UBE2E2: variants seen among roughly 807,000 people sequenced by gnomAD.
UBE2E2 encodes ubiquitin-conjugating enzyme E2 E2.
In UBE2E2, 6 loss-of-function variants were observed where a neutral mutation model predicts 24.7. The ratio of observed to expected loss-of-function variants is 0.24; its 90% CI spans 0.13 to 0.48. UBE2E2 has a LOEUF of 0.48. UBE2E2 is among the 20% of genes least tolerant of loss of function. The probability of loss-of-function intolerance (pLI) is 0.99; values close to 1 mark genes in which losing one functional copy is unlikely to be tolerated. For synonymous variants in UBE2E2, 104 were observed against 83.6 expected (o/e 1.24, Z -1.33); for missense variants, 169 against 245.0 (o/e 0.69, Z 2.07).
intron 5 of UBE2E2, among the ~76,000 whole-genome samples, chr3:23,578,217 T>TA (rs1559427971): frequency 6.6e-6 from 1 of 151,938 alleles, no homozygotes; most frequent in African/African-American, 2.4e-5. Context: ...AAATGCAAAT[T>TA]AAACCACAAT....
intron 3 of UBE2E2, among the ~76,000 whole-genome samples, chr3:23,421,832 C>G (rs757277106): frequency 7.9e-5 from 12 of 152,374 alleles, no homozygotes; most frequent in Non-Finnish European, 1.6e-4. Context: ...TCATTAGAGA[C>G]TCAGGTGCGA....
At chr3:23,521,258 G>T (rs1167399039) in intron 4 of UBE2E2, among the ~76,000 whole-genome samples, 1 of 152,166 alleles carries the variant, frequency 6.6e-6, no homozygotes, top group East Asian at 1.9e-4. Flanking sequence ...GTAAAGAAAA[G>T]AAACGAAAAG....
intron 3 of UBE2E2, among the ~76,000 whole-genome samples, chr3:23,230,527 A>G (rs1044011290): frequency 3.9e-5 from 6 of 152,252 alleles, no homozygotes; most frequent in East Asian, 1.9e-4. Flanking sequence ...GCTCATGCCT[A>G]TAATCCCAGC....
intron 3 of UBE2E2, among the ~76,000 whole-genome samples, chr3:23,304,117 A>G (rs1699180361): frequency 6.6e-6 from 1 of 152,186 alleles, no homozygotes; most frequent in Non-Finnish European, 1.5e-5. Context: ...TGAGTAGTGT[A>G]CATTTGATTT....
intron 3 of UBE2E2, among the ~76,000 whole-genome samples, chr3:23,352,966 A>G (rs1329149309): frequency 1.3e-5 from 2 of 152,202 alleles, no homozygotes. Context: ...CTTGATGAAC[A>G]TTGATGCAAA....
At chr3:23,567,826 A>G (rs757040500) in intron 5 of UBE2E2, among the ~76,000 whole-genome samples, 2 of 152,218 alleles carry the variant, frequency 1.3e-5, no homozygotes, top group African/African-American at 2.4e-5. Context: ...CCTATATCCT[A>G]GACACTTTGT....
chr3:23,318,389 A>G (rs891898227), intron 3 of UBE2E2, among the ~76,000 whole-genome samples: 3 of 152,224 alleles, frequency 2.0e-5, no homozygotes, highest in African/African-American at 7.2e-5. Flanking sequence ...TATTTAATCA[A>G]TATATATTTT....
At chr3:23,456,074 C>G (rs1358305568) in intron 3 of UBE2E2, among the ~76,000 whole-genome samples, 1 of 152,220 alleles carries the variant, frequency 6.6e-6, no homozygotes, top group African/African-American at 2.4e-5. Flanking sequence ...TTCATAGCAT[C>G]TTTACCAGGA....
chr3:23,334,986 G>T (rs1364491298), intron 3 of UBE2E2, among the ~76,000 whole-genome samples: 1 of 152,072 alleles, frequency 6.6e-6, no homozygotes, highest in Non-Finnish European at 1.5e-5. Context: ...TTGAGAGAAA[G>T]GAAACTTTTG....
intron 3 of UBE2E2, among the ~76,000 whole-genome samples, chr3:23,231,134 C>T (rs549904361): frequency 1.1e-4 from 16 of 152,268 alleles, no homozygotes; most frequent in Admixed American, 9.8e-4. Context: ...AATTATATTT[C>T]CCAGATTCTG....
intron 3 of UBE2E2, among the ~76,000 whole-genome samples, chr3:23,320,061 C>T (rs1008071909): frequency 1.3e-5 from 2 of 152,160 alleles, no homozygotes; most frequent in Non-Finnish European, 1.5e-5. Flanking sequence ...GTGAAAGTCT[C>T]CTGCCCATGG....
At chr3:23,418,515 G>C (rs116340684) in intron 3 of UBE2E2, among the ~76,000 whole-genome samples, 1 of 152,124 alleles carries the variant, frequency 6.6e-6, no homozygotes, top group Non-Finnish European at 1.5e-5. Flanking sequence ...TCTAATTTTT[G>C]TATTTTTAGT....
chr3:23,254,822 G>A (rs188160806), intron 3 of UBE2E2, among the ~76,000 whole-genome samples: 6 of 152,174 alleles, frequency 3.9e-5, no homozygotes, highest in Admixed American at 6.5e-5. Context: ...AGAGGAAGCT[G>A]GAAAGGCAGG....
intron 3 of UBE2E2, among the ~76,000 whole-genome samples, chr3:23,438,756 GA>G (rs1411098782): frequency 6.6e-6 from 1 of 152,102 alleles, no homozygotes; most frequent in Non-Finnish European, 1.5e-5. Context: ...CATATAAATG[GA>G]AAAGAGAAAC....
At chr3:23,469,448 T>C (rs1698989414) in intron 3 of UBE2E2, among the ~76,000 whole-genome samples, 1 of 152,210 alleles carries the variant, frequency 6.6e-6, no homozygotes, top group Non-Finnish European at 1.5e-5. Flanking sequence ...AATATGGTAC[T>C]AGTAAAATAT....
At chr3:23,247,772 A>G (rs1697452857) in intron 3 of UBE2E2, among the ~76,000 whole-genome samples, 1 of 152,084 alleles carries the variant, frequency 6.6e-6, no homozygotes, top group African/African-American at 2.4e-5. Flanking sequence ...CTGCCACTCT[A>G]CCCCAGAAAT....
Position 23,346,196 on chromosome 3 carries a change from AAAGTT to A in UBE2E2, c.227+128889_227+128893del, listed in dbSNP as rs370229776. 1.7e-3 allele frequency among the ~76,000 whole-genome samples: 262 copies of A among 152,360 alleles called. 1 individual carries two copies. Among genetic ancestry groups the A allele is most frequent in the African/African-American group, 6.1e-3 (253 of 41,592 alleles). On this transcript the variant is annotated intron_variant, in intron 3 of 5. Transcript: ENST00000396703. ...ACTCAGAGCCTGTTGAATTTCAACA[AAAGTT>A]AAGTATTTTGTAGGACATACAACAA...
intron 3 of UBE2E2, chr3:23,270,968 T>A (rs1698225296): frequency 8.8e-6 from 4 of 456,668 alleles, no homozygotes; most frequent in Admixed American, 7.0e-5. Flanking sequence ...TGATTCGATC[T>A]GCTTGCATCT....
At chr3:23,261,586 A>G (rs1483659728) in intron 3 of UBE2E2, among the ~76,000 whole-genome samples, 2 of 152,142 alleles carry the variant, frequency 1.3e-5, no homozygotes, top group Admixed American at 1.3e-4. Context: ...TTCATCTTAT[A>G]CTTGAAGGTT....
Sources: allele counts gnomAD v4.1 joint callset (sites outside exome capture counted in the v4.1 genomes callset), GRCh38; gene constraint gnomAD v4.1.1; transcripts MANE v1.5; gene names NCBI Gene and HGNC (gene_info 2026-07-23, HGNC 2026-07-21).